ARHGAP15: variants seen among roughly 807,000 people sequenced by gnomAD.
ARHGAP15 encodes Rho GTPase activating protein 15, also known as rho GTPase-activating protein 15.
A neutral mutation model predicts 63.7 loss-of-function variants in ARHGAP15; 51 were observed. That is an observed-to-expected ratio of 0.80 (90% confidence interval 0.64 to 1.01). The LOEUF (loss-of-function observed/expected upper bound fraction) is 1.01, where lower values mean the gene tolerates loss of function less well. Ranked by LOEUF, ARHGAP15 falls within the 50% of genes least tolerant of loss-of-function variation. ARHGAP15 has a pLI of 0.00. For synonymous variants in ARHGAP15, 191 were observed against 193.8 expected, an observed-to-expected ratio of 0.99 and a Z score of 0.12; for missense variants, 560 against 564.6, an observed-to-expected ratio of 0.99 and a Z score of 0.08.
intron 8 of ARHGAP15, among the ~76,000 whole-genome samples, chr2:143,454,373 T>A (rs1163555658): frequency 6.6e-6 from 1 of 152,106 alleles, no homozygotes; most frequent in African/African-American, 2.4e-5. Flanking sequence ...GAGAATCTGA[T>A]ATTTTAAACA....
chr2:143,141,340 G>GAATT (rs1641990186), intron 1 of ARHGAP15, among the ~76,000 whole-genome samples: 1 of 152,084 alleles, frequency 6.6e-6, no homozygotes, highest in Non-Finnish European at 1.5e-5. Context: ...TTAGGGCATT[G>GAATT]AATTAATGAG....
chr2:143,359,422 A>C (rs1023514840), intron 6 of ARHGAP15, among the ~76,000 whole-genome samples: 1 of 151,904 alleles, frequency 6.6e-6, no homozygotes, highest in African/African-American at 2.4e-5. Flanking sequence ...CCCTTTTTCT[A>C]TTGCCTCTTT....
At chr2:143,487,582 G>A in intron 9 of ARHGAP15, 87 bp downstream of exon 9, 1 of 1,380,306 alleles carries the variant, frequency 7.2e-7, no homozygotes, top group South Asian at 1.7e-5. Flanking sequence ...AGGAATATTA[G>A]AATATTTTAT....
At chr2:143,530,785 G>C (rs1158700287) in intron 10 of ARHGAP15, among the ~76,000 whole-genome samples, 1 of 152,052 alleles carries the variant, frequency 6.6e-6, no homozygotes, top group Admixed American at 6.5e-5. Context: ...AAGTCCATTT[G>C]TATGATTCTT....
intron 11 of ARHGAP15, among the ~76,000 whole-genome samples, chr2:143,592,829 TA>T (rs1239975689): frequency 6.6e-6 from 1 of 152,228 alleles, no homozygotes; most frequent in Admixed American, 6.5e-5. Flanking sequence ...AGCATTTATT[TA>T]AGCATCATTT....
At chr2:143,754,209 G>A (rs981001678) in intron 13 of ARHGAP15, among the ~76,000 whole-genome samples, 10 of 152,124 alleles carry the variant, frequency 6.6e-5, no homozygotes, top group African/African-American at 1.2e-4. Context: ...TTAATACAGC[G>A]TTTCAACAAA....
chr2:143,445,804 T>C (rs1465169737), intron 8 of ARHGAP15, among the ~76,000 whole-genome samples: 1 of 152,142 alleles, frequency 6.6e-6, no homozygotes, highest in East Asian at 1.9e-4. Context: ...AGCTCTTCTG[T>C]GGGCTCTGAC....
At chr2:143,304,395 A>G (rs1683071142) in intron 6 of ARHGAP15, among the ~76,000 whole-genome samples, 3 of 151,972 alleles carry the variant, frequency 2.0e-5, no homozygotes. Flanking sequence ...ATAGGTGGGA[A>G]TTGAACAATG....
At chr2:143,536,770 T>C (rs1454435192) in intron 10 of ARHGAP15, among the ~76,000 whole-genome samples, 1 of 151,718 alleles carries the variant, frequency 6.6e-6, no homozygotes, top group Non-Finnish European at 1.5e-5. Context: ...ATCCAGTCTA[T>C]CATTGTTGGA....
At position 143,437,032 on chromosome 2, in the gene ARHGAP15, A is replaced by G. The variant is rs1417710467; in HGVS notation, c.693A>G (p.Arg231=). The part of the protein sequence containing the change: ...SDIKEQKPEH[R]KSLMFRLHHS... ...TAAAAGAACAGAAACCAGAGCACAG[A>G]AAATCTTTAAGTGAGTATTTTCTTT... Residue 231 remains arginine (R), a synonymous_variant, in exon 8 of 14, where the codon AGA becomes AGG. Transcript: ENST00000295095. 1 of 1,600,464 alleles carries G rather than the reference A, an allele frequency of 6.2e-7. No individual in the cohort carries two copies. The highest frequency in any genetic ancestry group is 8.5e-7 in the Non-Finnish European group (1 of 1,176,500).
intron 10 of ARHGAP15, among the ~76,000 whole-genome samples, chr2:143,546,546 T>G (rs2105062974): frequency 6.6e-6 from 1 of 152,258 alleles, no homozygotes; most frequent in Admixed American, 6.5e-5. Flanking sequence ...GGAATCTGGT[T>G]TTCTTTCTTT....
chr2:143,364,135 T>A (rs941232542), intron 6 of ARHGAP15, among the ~76,000 whole-genome samples: 2 of 151,924 alleles, frequency 1.3e-5, no homozygotes, highest in African/African-American at 4.8e-5. Flanking sequence ...CTCTTTCAAC[T>A]ATTTTTCCCC....
At position 143,274,375 on chromosome 2, in the gene ARHGAP15, G is replaced by T. The variant is rs941615074; in HGVS notation, c.474+23775G>T. Among the ~76,000 whole-genome samples the T allele has an allele frequency of 8.6e-5, 13 of 152,038 alleles. No homozygotes were observed. In the East Asian group the frequency reaches 2.5e-3, roughly 29 times the overall value. On this transcript the variant is annotated intron_variant, in intron 6 of 13. Transcript: ENST00000295095. ...GTTACATTAGAACTAGCTTTTCTCT[G>T]GTCTTCTCATCTGTACTTCATTAAG...
intron 11 of ARHGAP15, among the ~76,000 whole-genome samples, chr2:143,575,549 C>A (rs770583740): frequency 3.9e-5 from 6 of 152,078 alleles, no homozygotes; most frequent in Non-Finnish European, 8.8e-5. Context: ...GGGGAGCTTT[C>A]TTTTCCCTAC....
chr2:143,149,767 A>G (rs555078807), intron 1 of ARHGAP15, among the ~76,000 whole-genome samples: 39 of 152,148 alleles, frequency 2.6e-4, no homozygotes, highest in African/African-American at 8.7e-4. Flanking sequence ...TTGGTCAAAG[A>G]CATTTTCTTC....
chr2:143,316,865 T>C (rs1044001399), intron 6 of ARHGAP15, among the ~76,000 whole-genome samples: 1 of 152,088 alleles, frequency 6.6e-6, no homozygotes, highest in Non-Finnish European at 1.5e-5. Context: ...CCTCTTATAG[T>C]ATATTTTCCA....
intron 12 of ARHGAP15, among the ~76,000 whole-genome samples, chr2:143,675,310 C>A (rs540406960): frequency 6.6e-6 from 1 of 152,162 alleles, no homozygotes; most frequent in African/African-American, 2.4e-5. Flanking sequence ...TCCTCAAAGT[C>A]ATCCATGAGA....
chr2:143,685,560 C>G (rs1215973609), intron 12 of ARHGAP15, among the ~76,000 whole-genome samples: 1 of 152,206 alleles, frequency 6.6e-6, no homozygotes, highest in African/African-American at 2.4e-5. Flanking sequence ...GTCGCTTGCT[C>G]TAATGCCAGT....
At chr2:143,157,459 A>G (rs918203489) in intron 2 of ARHGAP15, among the ~76,000 whole-genome samples, 5 of 151,914 alleles carry the variant, frequency 3.3e-5, no homozygotes, top group African/African-American at 1.2e-4. Context: ...CTGGACTGCT[A>G]GAGAATAAGA....
Sources: gnomAD v4.1 joint callset for allele counts (sites outside exome capture counted in the v4.1 genomes callset) on GRCh38, gnomAD v4.1.1 for gene constraint, MANE v1.5 for transcripts, NCBI Gene and HGNC (gene_info 2026-07-23, HGNC 2026-07-21) for gene names.